The following GREB1L variants were observed in gnomAD, a reference collection of about 807,000 sequenced individuals.
The protein encoded by GREB1L is GREB1-like protein.
GREB1L carries 17 observed loss-of-function variants against 200.8 expected under a neutral mutation model. That is an observed-to-expected ratio of 0.08 (90% CI 0.06 to 0.13). The LOEUF (loss-of-function observed/expected upper bound fraction) is 0.13, where lower values mean the gene tolerates loss of function less well. Among genes scored for constraint, GREB1L ranks in the 10% least tolerant of loss-of-function variants. The pLI is 1.00. For missense variants in GREB1L, 1,657 were observed against 2,367.7 expected (o/e 0.70, Z 6.23); for synonymous variants, 789 against 893.0 (o/e 0.88, Z 2.08).
chr18:21,268,714 C>T (rs537995880), intron 1 of GREB1L, among the ~76,000 whole-genome samples: 32 of 151,126 alleles, frequency 2.1e-4, no homozygotes, highest in African/African-American at 7.3e-4. Context: ...TCTCCCACTG[C>T]AGCCTCCTGA....
chr18:21,389,333 G>GGT (rs2040687475), intron 4 of GREB1L, among the ~76,000 whole-genome samples: 1 of 95,632 alleles, frequency 1.0e-5, no homozygotes, highest in African/African-American at 4.0e-5. Flanking sequence ...TATGGGGTGG[G>GGT]TTTTTTTTTT....
At chr18:21,370,782 A>G (rs1347180854) in intron 2 of GREB1L, among the ~76,000 whole-genome samples, 1 of 152,200 alleles carries the variant, frequency 6.6e-6, no homozygotes, top group African/African-American at 2.4e-5. Context: ...ACATGTAGCT[A>G]TTTAAATTAA....
chr18:21,356,381 G>A (rs1200693083), intron 1 of GREB1L, among the ~76,000 whole-genome samples: 2 of 152,052 alleles, frequency 1.3e-5, no homozygotes, highest in African/African-American at 4.8e-5. Context: ...GCTTCAATGA[G>A]TTTGACTTTT....
chr18:21,283,482 T>C (rs1239063221), intron 1 of GREB1L, among the ~76,000 whole-genome samples: 1 of 152,252 alleles, frequency 6.6e-6, no homozygotes, highest in African/African-American at 2.4e-5. Context: ...ATTGTCTGTG[T>C]TGGGGTATCT....
intron 7 of GREB1L, among the ~76,000 whole-genome samples, chr18:21,428,404 C>CTTTTTTTTTTTTTTTTTT: frequency 1.2e-5 from 1 of 84,826 alleles, no homozygotes; most frequent in Non-Finnish European, 2.1e-5. Context: ...TTTGTAGATG[C>CTTTTTTTTTTTTTTTTTT]TTTTTATCAA....
At chr18:21,362,035 G>A (rs1421324293) in intron 1 of GREB1L, among the ~76,000 whole-genome samples, 2 of 152,038 alleles carry the variant, frequency 1.3e-5, no homozygotes, top group African/African-American at 4.8e-5. Flanking sequence ...ATTAGAACAA[G>A]TATTTTATAT....
chr18:21,395,996 G>A (rs565087714), intron 5 of GREB1L, among the ~76,000 whole-genome samples: 31 of 151,254 alleles, frequency 2.0e-4, no homozygotes, highest in African/African-American at 7.0e-4. Context: ...CCAAAGTGAT[G>A]GGATTACAGG....
rs377314861 is a variant in GREB1L, at chr18:21,440,307, C to G, written c.988C>G (p.Arg330Gly). 5 of 1,551,592 alleles carry G rather than the reference C, an allele frequency of 3.2e-6. No individual in the cohort carries two copies. Among genetic ancestry groups the G allele is most frequent in the Non-Finnish European group, 4.4e-6 (5 of 1,146,898 alleles). Residue 330 changes from arginine (R) to glycine (G), a missense_variant, in exon 9 of 33, where the codon CGG (arginine) becomes GGG (glycine). Coordinates refer to ENST00000424526, the MANE Select transcript of GREB1L (RefSeq NM_001142966.3). ...FISGPPKKRH[R>G]GWYPGSPLPQ... ...TTCTGGGCCACCAAAGAAACGACAC[C>G]GGGGATGGTATCCTGGGTCACCTCT...
At chr18:21,447,117 T>C (rs2034264999) in intron 11 of GREB1L, among the ~76,000 whole-genome samples, 2 of 152,068 alleles carry the variant, frequency 1.3e-5, no homozygotes, top group African/African-American at 2.4e-5. Context: ...TGCAATGTAA[T>C]TGTAAAGGCT....
rs139875585 is a variant in GREB1L, at chr18:21,389,871, TC to T, written c.355+5469del. Among the ~76,000 whole-genome samples the T allele has an allele frequency of 7.3e-3, 1,118 of 152,112 alleles. 13 individuals carry two copies. The highest frequency in any genetic ancestry group is 0.024 in the African/African-American group (1,011 of 41,466). ...CAGGGGCTGGTGTATCAAATGATGC[TC>T]AGAAATCAATCTGAAAAGGCCACAG... On this transcript the variant is annotated intron_variant, in intron 4 of 32. Transcript: ENST00000424526.
intron 1 of GREB1L, among the ~76,000 whole-genome samples, chr18:21,347,025 T>G (rs2039356157): frequency 6.6e-6 from 1 of 152,152 alleles, no homozygotes; most frequent in Non-Finnish European, 1.5e-5. Context: ...CATGGGACAT[T>G]TTCATTCCTG....
intron 1 of GREB1L, among the ~76,000 whole-genome samples, chr18:21,311,940 CTAGT>C (rs2038797789): frequency 6.6e-6 from 1 of 152,018 alleles, no homozygotes; most frequent in Non-Finnish European, 1.5e-5. Context: ...GGTACTAAGC[CTAGT>C]ACCCAATAGA....
chr18:21,465,835 C>CA (rs1568034031), intron 15 of GREB1L, among the ~76,000 whole-genome samples: 1 of 152,120 alleles, frequency 6.6e-6, no homozygotes, highest in Non-Finnish European at 1.5e-5. Flanking sequence ...AATGAGCACT[C>CA]ATTACCCACC....
chr18:21,310,234 G>A (rs910691766), intron 1 of GREB1L, among the ~76,000 whole-genome samples: 2 of 152,182 alleles, frequency 1.3e-5, no homozygotes, highest in Non-Finnish European at 2.9e-5. Flanking sequence ...ACTGAGAGAA[G>A]AGAGGACCGA....
intron 1 of GREB1L, among the ~76,000 whole-genome samples, chr18:21,250,661 C>T (rs559124345): frequency 6.6e-6 from 1 of 152,264 alleles, no homozygotes; most frequent in East Asian, 1.9e-4. Context: ...TTTAAATGGA[C>T]ACTAATATAA....
chr18:21,513,765 G>C, intron 27 of GREB1L, 56 bp from the exon 28 acceptor site: 1 of 1,503,580 alleles, frequency 6.7e-7, no homozygotes, highest in South Asian at 1.2e-5. Context: ...TGGGGCTTCA[G>C]CCAAGCCTGA....
intron 7 of GREB1L, among the ~76,000 whole-genome samples, chr18:21,411,841 C>T (rs1205436663): frequency 2.0e-5 from 3 of 150,776 alleles, no homozygotes; most frequent in African/African-American, 7.3e-5. Context: ...GTCAGGAGAT[C>T]GAGACCATCC....
At chr18:21,366,539 T>C (rs1022814033) in intron 2 of GREB1L, among the ~76,000 whole-genome samples, 11 of 152,106 alleles carry the variant, frequency 7.2e-5, no homozygotes, top group Non-Finnish European at 1.5e-4. Context: ...TCCTGAGATA[T>C]ATGTTCTAAA....
rs1402038190 is a variant in GREB1L, at chr18:21,490,225, G to A, written c.2904G>A (p.Ala968=). The A allele has an allele frequency of 1.5e-5, 23 of 1,551,708 alleles. No individual in the cohort carries two copies. Among genetic ancestry groups the A allele is most frequent in the Admixed American group, 1.2e-4 (6 of 50,974 alleles). The change falls in exon 19 of 33, where the codon GCG becomes GCA. Residue 968 remains alanine, a synonymous_variant. Transcript: ENST00000424526. ...TCAGGGTGCCCTCGGTGCAGCTGGC[G>A]ATGTTAGCCAAGGAGCGGCTACAGG... ...LIIRVPSVQL[A]MLAKERLQEV...
Sources: gnomAD v4.1 joint callset for allele counts (sites outside exome capture counted in the v4.1 genomes callset) on GRCh38, gnomAD v4.1.1 for gene constraint, MANE v1.5 for transcripts, NCBI Gene and HGNC (gene_info 2026-07-23, HGNC 2026-07-21) for gene names.